DNM1: variants seen among roughly 807,000 people sequenced by gnomAD.
DNM1 encodes the protein dynamin 1, also known as dynamin-1.
A neutral mutation model predicts 104.6 loss-of-function variants in DNM1; 29 were observed. The observed-to-expected ratio is 0.28, with a 90% confidence interval of 0.21 to 0.38. The LOEUF is 0.38. Among genes scored for constraint, DNM1 ranks in the 10% least tolerant of loss-of-function variants. The probability of loss-of-function intolerance (pLI) is 1.00; values close to 1 mark genes in which losing one functional copy is unlikely to be tolerated. For missense variants in DNM1, 640 were observed against 1,189.4 expected, an observed-to-expected ratio of 0.54 and a Z score of 6.79; for synonymous variants, 445 against 475.8, an observed-to-expected ratio of 0.94 and a Z score of 0.84.
At chr9:128,225,081 A>G (rs1053930592) in intron 10 of DNM1, among the ~76,000 whole-genome samples, 1 of 152,164 alleles carries the variant, frequency 6.6e-6, no homozygotes, top group Non-Finnish European at 1.5e-5. Flanking sequence ...TCACAGCACG[A>G]ACACTGAAGC....
chr9:128,251,069 C>T, intron 21 of DNM1, 129 bp downstream of exon 21: 1 of 713,436 alleles, frequency 1.4e-6, no homozygotes, highest in Non-Finnish European at 2.4e-6. Flanking sequence ...CAATCGGACT[C>T]TGGGTGCCGG....
intron 11 of DNM1, among the ~76,000 whole-genome samples, chr9:128,238,857 G>A (rs986240373): frequency 1.3e-5 from 2 of 150,692 alleles, no homozygotes; most frequent in Non-Finnish European, 3.0e-5. Context: ...GGGTTTCACC[G>A]TGTTAGGCAG....
intron 21 of DNM1, chr9:128,252,745 T>C: frequency 1.8e-6 from 1 of 562,752 alleles, no homozygotes; most frequent in East Asian, 4.2e-5. Context: ...CGGGTGATCC[T>C]CTAAGCACAC....
At position 128,253,805 on chromosome 9, in the gene DNM1, G is replaced by T; in HGVS notation, c.2535-849G>T. 1 of 615,424 alleles carries T rather than the reference G, an allele frequency of 1.6e-6. No homozygotes were observed. Among genetic ancestry groups the T allele is most frequent in the Non-Finnish European group, 2.3e-6 (1 of 428,376 alleles). 38.1% of individuals were successfully genotyped at this position (615,424 alleles called of 1,614,324 possible). ...CCCAGGTACCGTCATAGCTGCTAGT[G>T]TGACTGAAGGCAGTGTCCCTGGCCC... On this transcript the variant is annotated intron_variant, in intron 21 of 21. Transcript: ENST00000372923. This position sits in a 1 kb window ranked among gnomAD's most constrained non-coding sequence, Gnocchi z 5.9.
In DNM1 at chr9:128,224,115, G is replaced by A. The variant is rs1474108217; in HGVS notation, c.1197-136G>A. On this transcript the variant is annotated intron_variant, in intron 9 of 21. Transcript: ENST00000372923. The surrounding 1 kb of genome is among the most constrained non-coding windows in gnomAD (Gnocchi z 4.3). Reference sequence around the variant, plus strand: ...CCCTCCCTCCCATTTTACAACTGGGGACACTGAGGCCCAGAGAGGGGTAGT... The same window carrying A: ...CCCTCCCTCCCATTTTACAACTGGGAACACTGAGGCCCAGAGAGGGGTAGT... 4.5e-6 allele frequency: 5 copies of A among 1,113,670 alleles called. No homozygotes were observed. The African/African-American group carries it at 6.3e-5, about 14-fold the overall frequency. 69.0% of individuals were successfully genotyped at this position (1,113,670 alleles called of 1,614,324 possible).
intron 1 of DNM1, among the ~76,000 whole-genome samples, chr9:128,211,636 T>A (rs746842186): frequency 3.0e-4 from 45 of 151,866 alleles, no homozygotes; most frequent in Non-Finnish European, 5.4e-4. Context: ...CCTCCCAAAG[T>A]ATTGGGATTA....
rs1359370846 is a variant in DNM1 at position 128,224,185 on chromosome 9, C to T, written c.1197-66C>T. 7.2e-5 allele frequency: 112 copies of T among 1,550,350 alleles called. No individual in the cohort carries two copies. Among genetic ancestry groups the T allele is most frequent in the Non-Finnish European group, 8.7e-5 (100 of 1,145,030 alleles). On this transcript the variant is annotated intron_variant, in intron 9 of 21. Coordinates refer to ENST00000372923, the MANE Select transcript of DNM1 (RefSeq NM_004408.4). The surrounding 1 kb of genome is among the most constrained non-coding windows in gnomAD (Gnocchi z 4.3). Reference sequence around the variant, plus strand: ...AGTTCGTGGGCTTGGGGAGGAGCCTCGGCCTGGCCCTCCTGGCCGGCACTG... The same window carrying T: ...AGTTCGTGGGCTTGGGGAGGAGCCTTGGCCTGGCCCTCCTGGCCGGCACTG...
intron 1 of DNM1, among the ~76,000 whole-genome samples, chr9:128,216,282 TTC>T (rs149530835): frequency 3.0e-4 from 46 of 152,288 alleles, no homozygotes; most frequent in African/African-American, 1.0e-3. Context: ...ATGAGGAAGT[TTC>T]CAGGCTGAGG....
chr9:128,250,923 C>A lies in DNM1; in HGVS notation c.2517C>A (p.Ala839=). 7.3e-7 allele frequency: 1 copy of A among 1,378,054 alleles called. No homozygotes were observed. The highest frequency in any genetic ancestry group is 1.7e-5 in the South Asian group (1 of 59,910). The allele number at this position is 1,378,054 out of a possible 1,614,324, so 85.4% of individuals were successfully genotyped here. A position where few individuals can be genotyped will look rare whatever the true frequency, so the allele number is the denominator to read the frequency against. Residue 839 remains alanine (A), a synonymous_variant, in exon 21 of 22, where the codon GCC becomes GCA. Transcript: ENST00000372923. ...AGGTGCCCTCGCGCCCCAACCGCGC[C>A]CCGCCCGGGGTCCCCAGGTGAGTAG... ...PPQVPSRPNR[A]PPGVPSRSGQ...
In DNM1 at chr9:128,220,743, G is replaced by GCGCGCGCA. The variant is rs1554773802; in HGVS notation, c.849+402_849+403insCGCGCGCA. 2.1e-4 allele frequency among the ~76,000 whole-genome samples: 14 copies of GCGCGCGCA among 68,158 alleles called. No homozygotes were observed. The highest frequency in any genetic ancestry group is 4.1e-4 in the Non-Finnish European group (12 of 28,962). 44.7% of individuals were successfully genotyped at this position (68,158 alleles called of 152,430 possible). A position where few individuals can be genotyped will look rare whatever the true frequency, so the allele number is the denominator to read the frequency against. On this transcript the variant is annotated intron_variant, in intron 6 of 21. Coordinates refer to ENST00000372923, the MANE Select transcript of DNM1 (RefSeq NM_004408.4). The surrounding 1 kb of genome is among the most constrained non-coding windows in gnomAD (Gnocchi z 5.2). ...AGAACTGAAGTGCGCGCGCGCGCGC[G>GCGCGCGCA]TGTGTGTGTGTGTGTGTGTGTGTGT...
chr9:128,254,752 G>C lies in DNM1; in HGVS notation c.*38G>C. 1 of 1,578,608 alleles carries C rather than the reference G, an allele frequency of 6.3e-7. No homozygotes were observed. The highest frequency in any genetic ancestry group is 8.6e-7 in the Non-Finnish European group (1 of 1,164,052). On this transcript the variant is annotated 3_prime_UTR_variant, in exon 22 of 22. Coordinates refer to ENST00000372923, the MANE Select transcript of DNM1 (RefSeq NM_004408.4). This position sits in a 1 kb window ranked among gnomAD's most constrained non-coding sequence, Gnocchi z 6.1. ...TCTTCTCGGAGACCTCCCTTTCCAA[G>C]CCTGCCTGGACGGCTGTTCTGTGAC... is the stretch of plus-strand genomic sequence containing the variant.
chr9:128,206,139 C>A (rs1833953411), intron 1 of DNM1, among the ~76,000 whole-genome samples: 1 of 152,166 alleles, frequency 6.6e-6, no homozygotes, highest in Admixed American at 6.5e-5. Flanking sequence ...AGTCCCCAGA[C>A]TGGTGAGCAT....
Position 128,220,099 on chromosome 9 carries a change from T to C in DNM1, c.688+13T>C, listed in dbSNP as rs745415997. On this transcript the variant is annotated intron_variant, in intron 5 of 21. Transcript: ENST00000372923. This position sits in a 1 kb window ranked among gnomAD's most constrained non-coding sequence, Gnocchi z 5.2. ...CCCCTGCGCAGAGGTAAGCAGGCCATGCCCCTCAACCACTCCCCAGCCCTT... is the reference window on the plus strand; with the variant it reads ...CCCCTGCGCAGAGGTAAGCAGGCCACGCCCCTCAACCACTCCCCAGCCCTT... 1.2e-5 allele frequency: 20 copies of C among 1,613,088 alleles called. No individual in the cohort carries two copies. In the South Asian group the frequency reaches 2.1e-4, roughly 17 times the overall value.
At chr9:128,205,071 T>C (rs908914088) in intron 1 of DNM1, among the ~76,000 whole-genome samples, 24 of 152,038 alleles carry the variant, frequency 1.6e-4, no homozygotes, top group African/African-American at 5.8e-4. Flanking sequence ...GCCGTGCCCA[T>C]CTGGTCAGCA....
At chr9:128,206,646 C>T (rs996442414) in intron 1 of DNM1, among the ~76,000 whole-genome samples, 2 of 152,032 alleles carry the variant, frequency 1.3e-5, no homozygotes, top group Middle Eastern at 3.2e-3. Context: ...GGGAGAGTTC[C>T]AGGCCAAGGG....
Position 128,218,877 on chromosome 9 carries a change from C to T in DNM1, c.385+146C>T, listed in dbSNP as rs994701346. 1.9e-5 allele frequency: 25 copies of T among 1,319,014 alleles called. No individual in the cohort carries two copies. In the African/African-American group the frequency reaches 2.9e-4, roughly 15 times the overall value. 81.7% of individuals were successfully genotyped at this position (1,319,014 alleles called of 1,614,324 possible). On this transcript the variant is annotated intron_variant, in intron 3 of 21. Coordinates refer to ENST00000372923, the MANE Select transcript of DNM1 (RefSeq NM_004408.4). This position sits in a 1 kb window ranked among gnomAD's most constrained non-coding sequence, Gnocchi z 4.8. Reference sequence around the variant, plus strand: ...TCCAAGCTCCACCCTGCCGTGATTCCGCCCACTTCCGGCCACGCCTCCAAC... The same window carrying T: ...TCCAAGCTCCACCCTGCCGTGATTCTGCCCACTTCCGGCCACGCCTCCAAC...
chr9:128,252,790 C>T, intron 21 of DNM1: 1 of 634,184 alleles, frequency 1.6e-6, no homozygotes, highest in Non-Finnish European at 2.9e-6. Flanking sequence ...GTGCAAATGC[C>T]TCTGTGTGCG....
chr9:128,227,375 CTTTTTTTTTTT>C (rs59856862), intron 10 of DNM1, among the ~76,000 whole-genome samples: 1 of 50,422 alleles, frequency 2.0e-5, no homozygotes, highest in African/African-American at 8.7e-5. Context: ...GGTCTCATGC[CTTTTTTTTTTT>C]TTTTTTTTTT....
chr9:128,247,313 C>G lies in DNM1; in HGVS notation c.1782-62C>G. 3 of 1,236,018 alleles carry G rather than the reference C, an allele frequency of 2.4e-6. No individual in the cohort carries two copies. The highest frequency in any genetic ancestry group is 3.5e-6 in the Non-Finnish European group (3 of 862,290). 76.6% of individuals were successfully genotyped at this position (1,236,018 alleles called of 1,614,324 possible). A position where few individuals can be genotyped will look rare whatever the true frequency, so the allele number is the denominator to read the frequency against. ...GTTGACCCCAAAGTCTGGGCATGCC[C>G]TTAACCCCCAGGGAGGGTCAGACTT... On this transcript the variant is annotated intron_variant, in intron 16 of 21. Transcript: ENST00000372923. This position sits in a 1 kb window ranked among gnomAD's most constrained non-coding sequence, Gnocchi z 5.1.
Sources: gnomAD v4.1 joint callset for allele counts (sites outside exome capture counted in the v4.1 genomes callset) on GRCh38, gnomAD v4.1.1 for gene constraint, Gnocchi (gnomAD v3.1) non-coding constraint, MANE v1.5 for transcripts, NCBI Gene and HGNC (gene_info 2026-07-23, HGNC 2026-07-21) for gene names.